RARG: variants seen among roughly 807,000 people sequenced by gnomAD.
RARG encodes the protein RAR-gamma.
A neutral mutation model predicts 43.7 loss-of-function variants in RARG; 17 were observed. The ratio of observed to expected loss-of-function variants is 0.39; its 90% CI spans 0.27 to 0.58. The LOEUF (loss-of-function observed/expected upper bound fraction) is 0.58, where lower values mean the gene tolerates loss of function less well. Among genes scored for constraint, RARG ranks in the 20% least tolerant of loss-of-function variants. The pLI is 0.57. For missense variants in RARG, 346 were observed against 598.7 expected (o/e 0.58, Z 4.40); for synonymous variants, 238 against 236.4 (o/e 1.01, Z -0.06).
intron 2 of RARG, chr12:53,230,185 G>C (rs1943196571): frequency 6.4e-6 from 1 of 155,542 alleles, no homozygotes; most frequent in Non-Finnish European, 1.4e-5. Flanking sequence ...CTCATGGAAA[G>C]TAGAGAACAT....
chr12:53,226,072 T>C (rs1448289287), intron 3 of RARG, among the ~76,000 whole-genome samples: 1 of 152,250 alleles, frequency 6.6e-6, no homozygotes, highest in East Asian at 1.9e-4. Flanking sequence ...TTTGGGGACC[T>C]GGCACAGGAT....
Position 53,211,536 on chromosome 12 carries a change from CTT to C in RARG, c.*138_*139del. 1 of 828,890 alleles carries C rather than the reference CTT, an allele frequency of 1.2e-6. No individual in the cohort carries two copies. The highest frequency in any genetic ancestry group is 4.0e-5 in the Admixed American group (1 of 24,946). The allele number at this position is 828,890 out of a possible 1,614,324, so 51.3% of individuals were successfully genotyped here. On this transcript the variant is annotated 3_prime_UTR_variant, in exon 10 of 10. Transcript: ENST00000425354. The surrounding 1 kb of genome is among the most constrained non-coding windows in gnomAD (Gnocchi z 4.6). ...ATGAACACAGAGGCACCCCTAGAAA[CTT>C]TGGCAAAAACAAGGAGCTCATTGGA... is the stretch of plus-strand genomic sequence containing the variant.
chr12:53,225,969 C>T (rs562516304), intron 3 of RARG, among the ~76,000 whole-genome samples: 23 of 152,334 alleles, frequency 1.5e-4, no homozygotes, highest in African/African-American at 5.1e-4. Flanking sequence ...CCCTCTGCCT[C>T]TCTGGATTAC....
chr12:53,221,379 T>C (rs1197043498), intron 3 of RARG, among the ~76,000 whole-genome samples: 1 of 152,188 alleles, frequency 6.6e-6, no homozygotes, highest in Non-Finnish European at 1.5e-5. Flanking sequence ...CCGTGCCAAC[T>C]GCGCCTCGAT....
chr12:53,226,397 A>G (rs563911648), intron 3 of RARG, among the ~76,000 whole-genome samples: 1 of 151,954 alleles, frequency 6.6e-6, no homozygotes, highest in Non-Finnish European at 1.5e-5. Context: ...GCACGATCTC[A>G]GCTCACCGCA....
intron 3 of RARG, among the ~76,000 whole-genome samples, chr12:53,217,459 C>T (rs998043929): frequency 7.2e-5 from 11 of 152,222 alleles, no homozygotes; most frequent in African/African-American, 2.7e-4. Context: ...TCCTCTCTTG[C>T]GCAAGGGCCT....
rs778168925 is a variant in RARG at position 53,213,624 on chromosome 12, G to C, written c.890C>G (p.Thr297Ser). 1 of 1,614,088 alleles carries C rather than the reference G, an allele frequency of 6.2e-7. No homozygotes were observed. Among genetic ancestry groups the C allele is most frequent in the East Asian group, 2.2e-5 (1 of 44,870 alleles). Residue 297 changes from threonine (T) to serine (S), a missense_variant, in exon 8 of 10, where the codon ACC becomes AGC. Physicochemically the swap from Thr to Ser is moderately conservative, Grantham distance 58. Around this residue, in one of 8 missense-constraint regions of RARG, gnomAD observed 37 missense variants for 146.3 expected, o/e 0.25. Coordinates refer to ENST00000425354, the MANE Select transcript of RARG (RefSeq NM_000966.6). This position sits in a 1 kb window ranked among gnomAD's most constrained non-coding sequence, Gnocchi z 4.7. ...TFSDGLTLNRTQMHNAGFGPL... is the reference protein window; with the variant it reads ...TFSDGLTLNRSQMHNAGFGPL... ...CCCGAAGCCGGCATTGTGCATCTGG[G>C]TCCGGTTCAGGGTCAGCCCGTCGGA...
intron 9 of RARG, among the ~76,000 whole-genome samples, 173 bp downstream of exon 9, chr12:53,212,912 G>A (rs1422159056): frequency 6.6e-6 from 1 of 152,122 alleles, no homozygotes; most frequent in African/African-American, 2.4e-5. Context: ...GGACAGTACT[G>A]GTTTAGAAGC....
rs776186919 is a variant in RARG at position 53,213,102 on chromosome 12, C to T, written c.1160G>A (p.Arg387Gln). 5 of 1,613,530 alleles carry T rather than the reference C, an allele frequency of 3.1e-6. No homozygotes were observed. Among genetic ancestry groups the T allele is most frequent in the Admixed American group, 1.7e-5 (1 of 59,944 alleles). ...PRMLMKITDL[R>Q]GISTKGAERA... ...TGACTCACCCTTAGTGCTGATGCCC[C>T]GGAGGTCGGTGATTTTCATTAGCAT... The change falls in exon 9 of 10, where the codon CGG becomes CAG. Residue 387 changes from arginine to glutamine, a missense_variant. Arg to Gln is a conservative substitution (Grantham distance 43). This residue lies in a region of RARG where 20 missense variants were observed against 58.5 expected (regional missense o/e 0.34). Coordinates refer to ENST00000425354, the MANE Select transcript of RARG (RefSeq NM_000966.6). This position sits in a 1 kb window ranked among gnomAD's most constrained non-coding sequence, Gnocchi z 4.7.
At chr12:53,218,473 CTCCCCA>C (rs1031890498) in intron 3 of RARG, among the ~76,000 whole-genome samples, 144 of 152,260 alleles carry the variant, frequency 9.5e-4, no homozygotes, top group African/African-American at 3.2e-3. Flanking sequence ...CATACCCCAA[CTCCCCA>C]TCCTATTGGG....
Position 53,214,547 on chromosome 12 carries a change from T to G in RARG, c.535A>C (p.Ser179Arg). Residue 179 changes from serine to arginine, a missense_variant, in exon 6 of 10, where the codon AGC (serine) becomes CGC (arginine). Physicochemically the swap from Ser to Arg is moderately radical, Grantham distance 110. Around this residue, in one of 8 missense-constraint regions of RARG, gnomAD observed 67 missense variants for 79.6 expected, o/e 0.84. Coordinates refer to ENST00000425354, the MANE Select transcript of RARG (RefSeq NM_000966.6). ...KEVKEEGSPD[S>R]YELSPQLEEL... ...TCTAACTGAGGGCTCAGCTCATAGC[T>G]GTCAGGTGACCCTTCTTCCTTCACC... 1.9e-6 allele frequency: 3 copies of G among 1,612,592 alleles called. No individual in the cohort carries two copies. The highest frequency in any genetic ancestry group is 2.5e-6 in the Non-Finnish European group (3 of 1,178,648).
In RARG at chr12:53,231,981, G is replaced by GT; in HGVS notation, c.-218_-217insA. On this transcript the variant is annotated 5_prime_UTR_variant, in exon 1 of 10. Transcript: ENST00000425354. Reference sequence around the variant, plus strand: ...CTTCCCCGCCTGACTCACCTGGAGTGGGAGGGGGAAGGGAGGCGGCGGAGC... The same window carrying GT: ...CTTCCCCGCCTGACTCACCTGGAGTGTGGAGGGGGAAGGGAGGCGGCGGAGC... The GT allele has an allele frequency of 2.5e-6, 1 of 396,546 alleles. No homozygotes were observed. Among genetic ancestry groups the GT allele is most frequent in the Middle Eastern group, 6.3e-4 (1 of 1,584 alleles). The allele number at this position is 396,546 out of a possible 1,614,324, so 24.6% of individuals were successfully genotyped here.
chr12:53,215,556 T>G lies in RARG; in HGVS notation c.333+90A>C. 6.3e-7 allele frequency: 1 copy of G among 1,583,878 alleles called. No individual in the cohort carries two copies. Among genetic ancestry groups the G allele is most frequent in the Admixed American group, 1.7e-5 (1 of 59,120 alleles). On this transcript the variant is annotated intron_variant, in intron 4 of 9. Coordinates refer to ENST00000425354, the MANE Select transcript of RARG (RefSeq NM_000966.6). The surrounding 1 kb of genome is among the most constrained non-coding windows in gnomAD (Gnocchi z 6.4). The stretch of plus-strand genomic sequence containing the variant: ...TATTAACCACCTATGTGCAAAGCAG[T>G]GCTGCTCAGACACAGCATCTGTGTG...
In RARG at chr12:53,214,041, C is replaced by T. The variant is rs1261405616; in HGVS notation, c.813+18G>A. 4 of 1,595,982 alleles carry T rather than the reference C, an allele frequency of 2.5e-6. No individual in the cohort carries two copies. The East Asian group carries it at 8.9e-5, about 36-fold the overall frequency. ...TATGTGGGTCGGGCTGTGGCAGGACCCACAGGGCCTAACTTACCAGGATAT... is the reference window on the plus strand; with the variant it reads ...TATGTGGGTCGGGCTGTGGCAGGACTCACAGGGCCTAACTTACCAGGATAT... On this transcript the variant is annotated intron_variant, in intron 7 of 9. Coordinates refer to ENST00000425354, the MANE Select transcript of RARG (RefSeq NM_000966.6).
intron 2 of RARG, among the ~76,000 whole-genome samples, 159 bp downstream of exon 2, chr12:53,231,010 C>A (rs1943224312): frequency 6.6e-6 from 1 of 152,118 alleles, no homozygotes; most frequent in South Asian, 2.1e-4. Context: ...AACTCAGCAT[C>A]TGACCCTAAG....
intron 2 of RARG, among the ~76,000 whole-genome samples, chr12:53,228,058 G>A (rs537452769): frequency 1.2e-4 from 19 of 152,338 alleles, no homozygotes; most frequent in African/African-American, 4.6e-4. Flanking sequence ...CACATATGAG[G>A]AAACTGAGGT....
In RARG at chr12:53,227,628, C is replaced by A; in HGVS notation, c.-83G>T. ...CACAGCCCCTGCCCATGCCCACTGC[C>A]CCAGCCTGGGAGGCTCCGTACCCGC... On this transcript the variant is annotated 5_prime_UTR_variant, in exon 3 of 10. Coordinates refer to ENST00000425354, the MANE Select transcript of RARG (RefSeq NM_000966.6). The surrounding 1 kb of genome is among the most constrained non-coding windows in gnomAD (Gnocchi z 4.3). The A allele has an allele frequency of 7.3e-7, 1 of 1,372,938 alleles. No individual in the cohort carries two copies. Among genetic ancestry groups the A allele is most frequent in the South Asian group, 1.7e-5 (1 of 58,330 alleles). The allele number at this position is 1,372,938 out of a possible 1,614,324, so 85.0% of individuals were successfully genotyped here.
chr12:53,230,627 C>T (rs1020081626), intron 2 of RARG, among the ~76,000 whole-genome samples: 2 of 152,112 alleles, frequency 1.3e-5, no homozygotes, highest in Non-Finnish European at 2.9e-5. Flanking sequence ...GCCCTCCCTC[C>T]ACCCTACTAG....
rs1305425785 is a variant in RARG, at chr12:53,211,521, A to AG, written c.*154dup. On this transcript the variant is annotated 3_prime_UTR_variant, in exon 10 of 10. Coordinates refer to ENST00000425354, the MANE Select transcript of RARG (RefSeq NM_000966.6). This position sits in a 1 kb window ranked among gnomAD's most constrained non-coding sequence, Gnocchi z 4.6. ...TAGATCAGGAAGGGGATGAACACAG[A>AG]GGCACCCCTAGAAACTTTGGCAAAA... 1 of 655,194 alleles carries AG rather than the reference A, an allele frequency of 1.5e-6. No individual in the cohort carries two copies. The highest frequency in any genetic ancestry group is 1.9e-5 in the African/African-American group (1 of 52,394). 40.6% of individuals were successfully genotyped at this position (655,194 alleles called of 1,614,324 possible).
Sources: gnomAD v4.1 joint callset for allele counts (sites outside exome capture counted in the v4.1 genomes callset) on GRCh38, gnomAD v4.1.1 for gene constraint, gnomAD v4.1.1 regional missense constraint, Gnocchi (gnomAD v3.1) non-coding constraint, MANE v1.5 for transcripts, NCBI Gene and HGNC (gene_info 2026-07-23, HGNC 2026-07-21) for gene names.